Variants in RIPOR2 observed in about 807,000 individuals in gnomAD.
RIPOR2 encodes RHO family interacting cell polarization regulator 2.
Under a neutral mutation model 114.5 loss-of-function variants are expected in RIPOR2, and 39 were observed. The ratio of observed to expected loss-of-function variants is 0.34; its 90% confidence interval spans 0.26 to 0.44. The LOEUF (loss-of-function observed/expected upper bound fraction) is 0.44, where lower values mean the gene tolerates loss of function less well. Ranked by LOEUF, RIPOR2 falls within the 20% of genes least tolerant of loss-of-function variation. The pLI is 1.00. For synonymous variants in RIPOR2, 445 were observed against 484.4 expected (o/e 0.92, Z 1.07); for missense variants, 1,007 against 1,255.1 (o/e 0.80, Z 2.99).
intron 1 of RIPOR2, among the ~76,000 whole-genome samples, chr6:24,901,394 T>C (rs1246111871): frequency 6.6e-6 from 1 of 151,828 alleles, no homozygotes; most frequent in African/African-American, 2.4e-5. Context: ...AAACAAAAAC[T>C]ACATCTGGAA....
At chr6:24,888,548 C>A (rs752120939) in intron 1 of RIPOR2, among the ~76,000 whole-genome samples, 4 of 152,142 alleles carry the variant, frequency 2.6e-5, no homozygotes, top group Non-Finnish European at 4.4e-5. Context: ...GGAGAATGTA[C>A]CCAACAGTGT....
intron 1 of RIPOR2, among the ~76,000 whole-genome samples, chr6:24,954,421 C>T (rs1772929524): frequency 6.8e-6 from 1 of 147,464 alleles, no homozygotes; most frequent in South Asian, 2.2e-4. Flanking sequence ...ACAGGAATCA[C>T]ACCTGGTGAA....
intron 1 of RIPOR2, among the ~76,000 whole-genome samples, chr6:25,041,687 TA>T (rs529881672): frequency 9.2e-5 from 14 of 151,878 alleles, no homozygotes; most frequent in Non-Finnish European, 1.5e-4. Flanking sequence ...AGAGAGTCGG[TA>T]AAAAAATACC....
Position 25,015,896 on chromosome 6 carries a change from G to GTTTTTTTTTTTTTT in RIPOR2, c.76+25941_76+25954dup, listed in dbSNP as rs869301317. On this transcript the variant is annotated intron_variant, in intron 1 of 13. Transcript: ENST00000510784. ...TCCCCTTAAAAACGCAGGTTTTTTG[G>GTTTTTTTTTTTTTT]TTTTTTTTTTTTTTTTTTTTTTTTT... The GTTTTTTTTTTTTTT allele has an allele frequency of 7.6e-4, 35 of 45,836 alleles. 11 individuals are homozygous for GTTTTTTTTTTTTTT. Among genetic ancestry groups the GTTTTTTTTTTTTTT allele is most frequent in the African/African-American group, 1.9e-3 (27 of 14,068 alleles). 2.8% of individuals were successfully genotyped at this position (45,836 alleles called of 1,614,324 possible). A position where few individuals can be genotyped will look rare whatever the true frequency, so the allele number is the denominator to read the frequency against.
chr6:24,898,773 G>A (rs1327483472), intron 1 of RIPOR2, among the ~76,000 whole-genome samples: 1 of 152,244 alleles, frequency 6.6e-6, no homozygotes, highest in East Asian at 1.9e-4. Context: ...CAGGAACTTA[G>A]GTGATAACTT....
intron 1 of RIPOR2, among the ~76,000 whole-genome samples, chr6:24,996,616 C>T (rs1438980045): frequency 6.6e-6 from 1 of 152,230 alleles, no homozygotes; most frequent in Non-Finnish European, 1.5e-5. Flanking sequence ...TGTGTCCAAC[C>T]ACGCTGATGT....
chr6:24,839,226 G>A lies in RIPOR2; in HGVS notation c.1904C>T (p.Thr635Ile). 1 of 1,551,868 alleles carries A rather than the reference G, an allele frequency of 6.4e-7. No individual in the cohort carries two copies. The highest frequency in any genetic ancestry group is 8.7e-7 in the Non-Finnish European group (1 of 1,147,012). The change falls in exon 14 of 22, where the codon ACA (threonine) becomes ATA (isoleucine). Residue 635 changes from threonine to isoleucine, a missense_variant. Coordinates refer to ENST00000643898, the MANE Select transcript of RIPOR2 (RefSeq NM_001286445.3). ...SRSRSSSLSL[T>I]VESALESFDF... ...AAAGCTTTCTAAAGCACTTTCAACT[G>A]TGAGACTTAAACTGGAAGACCTGCT...
intron 1 of RIPOR2, among the ~76,000 whole-genome samples, chr6:24,930,925 G>A (rs1771342663): frequency 1.3e-5 from 2 of 152,176 alleles, no homozygotes; most frequent in Admixed American, 1.3e-4. Flanking sequence ...AGCAATGCTT[G>A]TATTTATTTA....
At chr6:24,872,137 T>G (rs1765240016) in intron 4 of RIPOR2, among the ~76,000 whole-genome samples, 1 of 152,134 alleles carries the variant, frequency 6.6e-6, no homozygotes, top group Non-Finnish European at 1.5e-5. Context: ...ATATGTAGAG[T>G]TGAACAAAAT....
chr6:24,983,778 A>AAAAAAAAAC (rs1774411838), intron 1 of RIPOR2, among the ~76,000 whole-genome samples: 1 of 151,226 alleles, frequency 6.6e-6, no homozygotes, highest in Non-Finnish European at 1.5e-5. Flanking sequence ...AAAAAAAAAA[A>AAAAAAAAAC]AAAGCCTTGA....
intron 1 of RIPOR2, among the ~76,000 whole-genome samples, chr6:25,019,329 C>T (rs538905463): frequency 4.5e-4 from 69 of 152,232 alleles, no homozygotes; most frequent in African/African-American, 1.6e-3. Context: ...TCAAGGAAGG[C>T]GATTTAGCAA....
intron 15 of RIPOR2, among the ~76,000 whole-genome samples, chr6:24,833,746 C>G (rs574693246): frequency 6.6e-6 from 1 of 152,266 alleles, no homozygotes; most frequent in South Asian, 2.1e-4. Context: ...CTCATTCCTT[C>G]AATCTACATC....
chr6:24,873,333 T>A (rs1765399340), intron 3 of RIPOR2, among the ~76,000 whole-genome samples: 2 of 152,194 alleles, frequency 1.3e-5, no homozygotes, highest in African/African-American at 2.4e-5. Context: ...GGGTTCACAA[T>A]CCCTGTAAGA....
At chr6:24,893,979 T>C (rs1767611018) in intron 1 of RIPOR2, among the ~76,000 whole-genome samples, 4 of 152,304 alleles carry the variant, frequency 2.6e-5, no homozygotes, top group Middle Eastern at 3.4e-3. Flanking sequence ...ATGATCTCCA[T>C]GTAGGGAAGT....
In RIPOR2 at chr6:24,839,140, C is replaced by T. The variant is rs892421041; in HGVS notation, c.1990G>A (p.Gly664Ser). ...GAAAATACTGAGTCAGCACCTCCGC[C>T]AACATTACAAACCTCATCACCATCC... is the stretch of plus-strand genomic sequence containing the variant. ...EEDGDEVCNV[G>S]GGADSVFSDT... Residue 664 changes from glycine (G) to serine (S), a missense_variant, in exon 14 of 22, where the codon GGC becomes AGC. Transcript: ENST00000643898. 1 of 1,551,562 alleles carries T rather than the reference C, an allele frequency of 6.4e-7. No homozygotes were observed. Among genetic ancestry groups the T allele is most frequent in the African/African-American group, 1.4e-5 (1 of 73,038 alleles).
intron 1 of RIPOR2, among the ~76,000 whole-genome samples, chr6:24,979,193 C>T (rs1022694849): frequency 7.2e-5 from 11 of 151,988 alleles, no homozygotes; most frequent in Non-Finnish European, 1.3e-4. Context: ...CAAAGATCCC[C>T]TCTCTGCTCC....
chr6:24,937,681 A>G (rs1248274638), upstream of RIPOR2, among the ~76,000 whole-genome samples: 1 of 152,148 alleles, frequency 6.6e-6, no homozygotes, highest in East Asian at 1.9e-4. Context: ...CTACTGTCCT[A>G]TGTCCTTTAA....
intron 1 of RIPOR2, among the ~76,000 whole-genome samples, chr6:24,994,952 T>C (rs1337312677): frequency 2.6e-5 from 4 of 152,180 alleles, no homozygotes; most frequent in African/African-American, 9.7e-5. Flanking sequence ...TATACTGTGA[T>C]GTATATGGCC....
chr6:24,830,794 G>C lies in RIPOR2; in HGVS notation c.2345-124C>G, dbSNP rs9467329. 0.027 allele frequency: 26,605 copies of C among 970,902 alleles called. 1,611 individuals are homozygous for C. The highest frequency in any genetic ancestry group is 0.21 in the African/African-American group (12,784 of 60,280). The allele number at this position is 970,902 out of a possible 1,614,324, so 60.1% of individuals were successfully genotyped here. A position where few individuals can be genotyped will look rare whatever the true frequency, so the allele number is the denominator to read the frequency against. ...GCAATGGCATGATCTCAGCTCACTG[G>C]AACTTCCGCCTCCTGGGTTCAAGTG... On this transcript the variant is annotated intron_variant, in intron 16 of 21. Transcript: ENST00000643898.
Sources: allele counts gnomAD v4.1 joint callset (sites outside exome capture counted in the v4.1 genomes callset), GRCh38; gene constraint gnomAD v4.1.1; transcripts MANE v1.5; gene names NCBI Gene and HGNC (gene_info 2026-07-23, HGNC 2026-07-21).